The following ACSF3 variants were observed in gnomAD, a reference collection of about 807,000 sequenced individuals.
ACSF3 encodes malonate--CoA ligase ACSF3, mitochondrial.
In ACSF3, 78 loss-of-function variants were observed where a neutral mutation model predicts 53.2. The ratio of observed to expected loss-of-function variants is 1.47; its 90% CI spans 1.22 to 1.77. The LOEUF is 1.77. ACSF3 is among the 40% of genes most tolerant of loss of function. The pLI, the probability that ACSF3 is intolerant of heterozygous loss-of-function variation, is 0.00. For missense variants in ACSF3, 937 were observed against 771.1 expected, an observed-to-expected ratio of 1.22 and a Z score of -2.55; for synonymous variants, 414 against 333.1, an observed-to-expected ratio of 1.24 and a Z score of -2.65.
chr16:89,098,331 A>C (rs937465801), intron 1 of ACSF3, among the ~76,000 whole-genome samples: 1 of 152,236 alleles, frequency 6.6e-6, no homozygotes, highest in Non-Finnish European at 1.5e-5. Flanking sequence ...TTAATGAAAG[A>C]GATGTGCTGG....
At chr16:89,153,821 G>A in intron 10 of ACSF3, 2 of 513,956 alleles carry the variant, frequency 3.9e-6, no homozygotes, top group Non-Finnish European at 7.1e-6. Context: ...CTATCCTCAG[G>A]TGTGCCCTCG....
At position 89,155,247 on chromosome 16, in the gene ACSF3, G is replaced by C. The variant is rs1047794869; in HGVS notation, c.*1040G>C. 2.2e-6 allele frequency: 1 copy of C among 454,048 alleles called. No homozygotes were observed. The highest frequency in any genetic ancestry group is 4.4e-6 in the Non-Finnish European group (1 of 226,812). The allele number at this position is 454,048 out of a possible 1,614,324, so 28.1% of individuals were successfully genotyped here. The stretch of plus-strand genomic sequence containing the variant: ...GGGAAGTAACAGTCATCGCCCAGCA[G>C]TGTCTGGCCTGAACTTACCCAGAAC... On this transcript the variant is annotated 3_prime_UTR_variant, in exon 11 of 11. Coordinates refer to ENST00000614302, the MANE Select transcript of ACSF3 (RefSeq NM_001243279.3).
Position 89,101,239 on chromosome 16 carries a change from G to A in ACSF3, c.558G>A (p.Pro186=), listed in dbSNP as rs756599875. ...TGAVEEPAEV[P]VPEQGWRNKG... is the part of the protein sequence containing the mutation. Reference sequence around the variant, plus strand: ...CAGTAGAGGAACCGGCAGAGGTCCCGGTCCCAGAGCAGGGATGGAGGAACA... The same window carrying A: ...CAGTAGAGGAACCGGCAGAGGTCCCAGTCCCAGAGCAGGGATGGAGGAACA... The change falls in exon 3 of 11, where the codon CCG becomes CCA. Residue 186 remains proline (P), a synonymous_variant. Transcript: ENST00000614302. The A allele has an allele frequency of 3.8e-5, 61 of 1,600,332 alleles. 2 individuals are homozygous for A. Among genetic ancestry groups the A allele is most frequent in the South Asian group, 3.0e-4 (27 of 89,752 alleles).
intron 7 of ACSF3, among the ~76,000 whole-genome samples, chr16:89,129,914 T>C (rs1412051947): frequency 2.0e-5 from 3 of 152,226 alleles, no homozygotes; most frequent in African/African-American, 7.2e-5. Flanking sequence ...ACCCTCTGCC[T>C]TTAGAGTGTA....
intron 7 of ACSF3, among the ~76,000 whole-genome samples, chr16:89,132,905 C>T (rs1451128530): frequency 6.6e-6 from 1 of 152,258 alleles, no homozygotes; most frequent in Non-Finnish European, 1.5e-5. Flanking sequence ...ACCCAGCTCC[C>T]GGCCAGGGCA....
intron 2 of ACSF3, among the ~76,000 whole-genome samples, chr16:89,100,455 TAGAA>T (rs1250202209): frequency 6.6e-6 from 1 of 152,236 alleles, no homozygotes; most frequent in Non-Finnish European, 1.5e-5. Context: ...TGAAGTGAAA[TAGAA>T]AGCTGAGATG....
intron 1 of ACSF3, 87 bp from the exon 2 acceptor site, chr16:89,098,504 C>T (rs955598493): frequency 8.1e-6 from 3 of 369,378 alleles, no homozygotes; most frequent in African/African-American, 6.3e-5. Flanking sequence ...GAACATGCTT[C>T]CCTTCCCCCA....
At position 89,115,455 on chromosome 16, in the gene ACSF3, C is replaced by T. The variant is rs368686951; in HGVS notation, c.1126+968C>T. ...AGCCTGTCTGCTTCCGCCCGGCTTC[C>T]GCCCACAGTCAACTGCCTGTGCTGT... is the stretch of plus-strand genomic sequence containing the variant. On this transcript the variant is annotated intron_variant, in intron 6 of 10. Coordinates refer to ENST00000614302, the MANE Select transcript of ACSF3 (RefSeq NM_001243279.3). 6.6e-5 allele frequency among the ~76,000 whole-genome samples: 10 copies of T among 152,208 alleles called. No homozygotes were observed. In the East Asian group the frequency reaches 9.6e-4, roughly 15 times the overall value.
intron 8 of ACSF3, among the ~76,000 whole-genome samples, chr16:89,138,496 C>T (rs1911076729): frequency 6.6e-6 from 1 of 152,252 alleles, no homozygotes; most frequent in South Asian, 2.1e-4. Flanking sequence ...CGACCAAGGT[C>T]AGAGCCGATC....
chr16:89,106,035 C>G (rs1251741282), intron 4 of ACSF3, among the ~76,000 whole-genome samples: 4 of 152,208 alleles, frequency 2.6e-5, no homozygotes, highest in Non-Finnish European at 5.9e-5. Context: ...GCTGCGGCGT[C>G]TCTGCCCAGG....
intron 4 of ACSF3, among the ~76,000 whole-genome samples, chr16:89,103,817 CAGGG>C (rs1279726803): frequency 6.6e-6 from 1 of 152,228 alleles, no homozygotes; most frequent in African/African-American, 2.4e-5. Flanking sequence ...TTGGAGCAGG[CAGGG>C]AGGGAAGGAC....
At chr16:89,139,257 A>G (rs1911251938) in intron 8 of ACSF3, among the ~76,000 whole-genome samples, 1 of 152,074 alleles carries the variant, frequency 6.6e-6, no homozygotes, top group South Asian at 2.1e-4. Context: ...TGGTCTCCCC[A>G]TGGCGCCTCC....
At chr16:89,154,000 A>G in intron 10 of ACSF3, 90 bp from the exon 11 acceptor site, 2 of 1,360,386 alleles carry the variant, frequency 1.5e-6, no homozygotes, top group Non-Finnish European at 2.0e-6. Flanking sequence ...GCAGGGTCCC[A>G]GGGGCACCTG....
At position 89,093,973 on chromosome 16, in the gene ACSF3, C is replaced by T; in HGVS notation, c.-217C>T. On this transcript the variant is annotated 5_prime_UTR_variant, in exon 1 of 11. Coordinates refer to ENST00000614302, the MANE Select transcript of ACSF3 (RefSeq NM_001243279.3). ...AGAGTTGTGGCGAGGCAGATCCTGC[C>T]CCGTGGCCGCGGCCGTCTCGTAGGT... 4.0e-6 allele frequency: 1 copy of T among 247,120 alleles called. No homozygotes were observed. Among genetic ancestry groups the T allele is most frequent in the Non-Finnish European group, 8.8e-6 (1 of 114,276 alleles). 15.3% of individuals were successfully genotyped at this position (247,120 alleles called of 1,614,324 possible).
chr16:89,149,582 A>G (rs1207940453), intron 10 of ACSF3: 1 of 152,240 alleles, frequency 6.6e-6, no homozygotes, highest in Admixed American at 6.5e-5. Flanking sequence ...TCCCGCGTCC[A>G]AGAAGAATGA....
At chr16:89,124,465 A>G (rs1234028602) in intron 7 of ACSF3, among the ~76,000 whole-genome samples, 1 of 138,184 alleles carries the variant, frequency 7.2e-6, no homozygotes, top group Non-Finnish European at 1.6e-5. Context: ...TACTCTGCGC[A>G]TGTGTGATAC....
Position 89,154,461 on chromosome 16 carries a change from G to A in ACSF3, c.*254G>A. On this transcript the variant is annotated 3_prime_UTR_variant, in exon 11 of 11. Transcript: ENST00000614302. ...CCGCCGACCTCATCTGTGCAGCGCGGTGCAGCCAGCCCCTGGCCCCACGTG... is the reference window on the plus strand; with the variant it reads ...CCGCCGACCTCATCTGTGCAGCGCGATGCAGCCAGCCCCTGGCCCCACGTG... The A allele has an allele frequency of 3.2e-6, 2 of 629,718 alleles. No homozygotes were observed. The highest frequency in any genetic ancestry group is 5.9e-6 in the Non-Finnish European group (2 of 340,254). The allele number at this position is 629,718 out of a possible 1,614,324, so 39.0% of individuals were successfully genotyped here.
intron 6 of ACSF3, among the ~76,000 whole-genome samples, chr16:89,115,655 C>T (rs1301339114): frequency 6.6e-6 from 1 of 152,220 alleles, no homozygotes; most frequent in African/African-American, 2.4e-5. Flanking sequence ...AGAGAGATTG[C>T]TGTGTTGTCT....
At position 89,155,317 on chromosome 16, in the gene ACSF3, G is replaced by T. The variant is rs989767070; in HGVS notation, c.*1110G>T. On this transcript the variant is annotated 3_prime_UTR_variant, in exon 11 of 11. Transcript: ENST00000614302. ...CGTCTGAAAGAGTGGCCAGAAACGA[G>T]TGTGCCGGGCAGGAGGCCAGCCCCA... 2 of 453,362 alleles carry T rather than the reference G, an allele frequency of 4.4e-6. No individual in the cohort carries two copies. The highest frequency in any genetic ancestry group is 8.8e-6 in the Non-Finnish European group (2 of 226,190). 28.1% of individuals were successfully genotyped at this position (453,362 alleles called of 1,614,324 possible).
Sources: gnomAD v4.1 joint callset for allele counts (sites outside exome capture counted in the v4.1 genomes callset) on GRCh38, gnomAD v4.1.1 for gene constraint, MANE v1.5 for transcripts, NCBI Gene and HGNC (gene_info 2026-07-23, HGNC 2026-07-21) for gene names.